The following RBMX2 variants were observed in gnomAD, a reference collection of about 807,000 sequenced individuals.
RBMX2 encodes the protein RNA binding motif protein X-linked 2, also known as RNA-binding motif protein, X-linked 2.
For synonymous variants in RBMX2, 77 were observed against 94.3 expected, an observed-to-expected ratio of 0.82 and a Z score of 1.07; for missense variants, 191 against 256.0, an observed-to-expected ratio of 0.75 and a Z score of 1.73.
chrX:130,412,211 C>T (rs2034516631), intron 5 of RBMX2, 150 bp from the exon 6 acceptor site: 1 of 748,756 alleles, frequency 1.3e-6, no homozygotes, highest in African/African-American at 2.2e-5. Context: ...CAGGCGTGAG[C>T]CACCGCACCC....
intron 1 of RBMX2, 31 bp from the exon 2 acceptor site, chrX:130,402,224 T>TTGCCCCCCCCCCC: frequency 8.5e-7 from 1 of 1,174,330 alleles, no homozygotes; most frequent in Non-Finnish European, 1.1e-6. Flanking sequence ...CTTTTCTGCC[T>TTGCCCCCCCCCCC]ACCCTCCCCA....
Position 130,402,330 on chromosome X carries a change from C to G in RBMX2, c.81C>G (p.Ser27=). 8.3e-7 allele frequency: 1 copy of G among 1,207,695 alleles called. No homozygotes were observed. The highest frequency in any genetic ancestry group is 3.0e-5 in the East Asian group (1 of 33,647). ...EVQLGVADKV[S]WHSEYKDSAW... ...AGCTTGGGGTGGCCGATAAGGTGTC[C>G]TGGCACTCCGAGTACAAGGACAGCG... Residue 27 remains serine, a synonymous_variant, in exon 2 of 6, where the codon TCC becomes TCG. Transcript: ENST00000305536.
At position 130,402,315 on chromosome X, in the gene RBMX2, G is replaced by A; in HGVS notation, c.66G>A (p.Val22=). 8.3e-7 allele frequency: 1 copy of A among 1,208,542 alleles called. No homozygotes were observed. Among genetic ancestry groups the A allele is most frequent in the East Asian group, 3.0e-5 (1 of 33,732 alleles). Residue 22 remains valine, a synonymous_variant, in exon 2 of 6, where the codon GTG becomes GTA. Coordinates refer to ENST00000305536, the MANE Select transcript of RBMX2 (RefSeq NM_016024.4). ...ELNEREVQLG[V]ADKVSWHSEY... ...ATGAACGAGAGGTCCAGCTTGGGGTGGCCGATAAGGTGTCCTGGCACTCCG... is the reference window on the plus strand; with the variant it reads ...ATGAACGAGAGGTCCAGCTTGGGGTAGCCGATAAGGTGTCCTGGCACTCCG...
intron 2 of RBMX2, among the ~76,000 whole-genome samples, chrX:130,403,547 A>G (rs756273845): frequency 1.8e-5 from 2 of 109,807 alleles, no homozygotes; most frequent in East Asian, 5.7e-4. Context: ...TTTTTTTTGT[A>G]TTTTTAGTAG....
In RBMX2 at chrX:130,412,214, C is replaced by T. The variant is rs771837225; in HGVS notation, c.482-147C>T. On this transcript the variant is annotated intron_variant, in intron 5 of 5. Coordinates refer to ENST00000305536, the MANE Select transcript of RBMX2 (RefSeq NM_016024.4). Reference sequence around the variant, plus strand: ...GTGCTGGGATTACAGGCGTGAGCCACCGCACCCGGCTGTGAATGTTTTTGA... The same window carrying T: ...GTGCTGGGATTACAGGCGTGAGCCATCGCACCCGGCTGTGAATGTTTTTGA... 2.0e-5 allele frequency: 16 copies of T among 785,076 alleles called. No individual in the cohort carries two copies. The African/African-American group carries it at 3.1e-4, about 15-fold the overall frequency. The allele number at this position is 785,076 out of a possible 1,213,427, so 64.7% of individuals were successfully genotyped here. A position where few individuals can be genotyped will look rare whatever the true frequency, so the allele number is the denominator to read the frequency against.
In RBMX2 at chrX:130,411,506, A is replaced by C. The variant is rs777453100; in HGVS notation, c.462A>C (p.Pro154=). 5.9e-6 allele frequency: 7 copies of C among 1,194,677 alleles called. No individual in the cohort carries two copies. The East Asian group carries it at 1.5e-4, about 26-fold the overall frequency. ...SLSESSEDEK[P]TKKHKKDKKE... ...CTGAGAGCTCTGAAGATGAAAAACC[A>C]ACAAAAAAGCACAAAAAAGGTAAAG... Residue 154 remains proline, a synonymous_variant, in exon 5 of 6, where the codon CCA becomes CCC. Coordinates refer to ENST00000305536, the MANE Select transcript of RBMX2 (RefSeq NM_016024.4).
Position 130,402,276 on chromosome X carries a change from G to A in RBMX2, c.27G>A (p.Leu9=). Residue 9 remains leucine (L), a synonymous_variant, in exon 2 of 6, where the codon CTG becomes CTA. Transcript: ENST00000305536. MNPLTKVK[L]INELNEREVQ... Reference sequence around the variant, plus strand: ...GAAGCCCTTTAACTAAGGTGAAGCTGATCAACGAGCTGAATGAACGAGAGG... The same window carrying A: ...GAAGCCCTTTAACTAAGGTGAAGCTAATCAACGAGCTGAATGAACGAGAGG... 8.3e-7 allele frequency: 1 copy of A among 1,198,760 alleles called. No homozygotes were observed.
intron 1 of RBMX2, 30 bp from the exon 2 acceptor site, chrX:130,402,225 A>AGCCACCCC: frequency 5.1e-6 from 5 of 984,770 alleles, no homozygotes; most frequent in Non-Finnish European, 7.0e-6. Flanking sequence ...TTTTCTGCCT[A>AGCCACCCC]CCCTCCCCAC....
chrX:130,402,491 C>A, intron 2 of RBMX2, 121 bp downstream of exon 2: 2 of 1,073,360 alleles, frequency 1.9e-6, no homozygotes, highest in Non-Finnish European at 2.5e-6. Context: ...TATCCATCTG[C>A]TGTCTGCCCG....
At chrX:130,403,953 C>A in intron 3 of RBMX2, 100 bp downstream of exon 3, 2 of 831,642 alleles carry the variant, frequency 2.4e-6, no homozygotes, top group Non-Finnish European at 3.6e-6. Flanking sequence ...TCACTCTAGG[C>A]TGAATGGCAT....
chrX:130,404,553 A>G (rs1384873841), intron 3 of RBMX2: 1 of 112,374 alleles, frequency 8.9e-6, no homozygotes, highest in East Asian at 2.8e-4. Flanking sequence ...GGTGCAGAGG[A>G]CCACTACGTT....
chrX:130,403,818 A>G lies in RBMX2; in HGVS notation c.138A>G (p.Glu46=). Residue 46 remains glutamate (E), a synonymous_variant, in exon 3 of 6, where the codon GAA becomes GAG. Coordinates refer to ENST00000305536, the MANE Select transcript of RBMX2 (RefSeq NM_016024.4). ...CTCTTCTAGGAGGGCTTCCTTATGA[A>G]CTGACTGAAGGGGACATCATCTGTG... The part of the protein sequence containing the change: ...AWIFLGGLPY[E]LTEGDIICVF... 1 of 1,210,934 alleles carries G rather than the reference A, an allele frequency of 8.3e-7. No individual in the cohort carries two copies. Among genetic ancestry groups the G allele is most frequent in the Non-Finnish European group, 1.1e-6 (1 of 894,525 alleles).
At chrX:130,405,592 G>T (rs1489891535) in intron 3 of RBMX2, among the ~76,000 whole-genome samples, 1 of 110,397 alleles carries the variant, frequency 9.1e-6, no homozygotes, top group Non-Finnish European at 1.9e-5. Flanking sequence ...GAATTATACT[G>T]CAATGTACAT....
intron 1 of RBMX2, 30 bp from the exon 2 acceptor site, chrX:130,402,225 A>ACCCACCC: frequency 1.7e-4 from 166 of 983,728 alleles, no homozygotes; most frequent in Non-Finnish European, 2.0e-4. Context: ...TTTTCTGCCT[A>ACCCACCC]CCCTCCCCAC....
chrX:130,408,239 C>T (rs1429282883), intron 3 of RBMX2, among the ~76,000 whole-genome samples: 1 of 111,613 alleles, frequency 9.0e-6, no homozygotes, highest in African/African-American at 3.3e-5. Flanking sequence ...CTCAAACAGC[C>T]CTCCCACCTT....
chrX:130,413,487 T>C lies in RBMX2; in HGVS notation c.*639T>C, dbSNP rs1476834264. On this transcript the variant is annotated 3_prime_UTR_variant, in exon 6 of 6. Coordinates refer to ENST00000305536, the MANE Select transcript of RBMX2 (RefSeq NM_016024.4). ...AACATCCACAGTGTTGTGTAACCAT[T>C]GCCTCTGTCTAGTTCCAAAACATTT... 1 of 110,948 alleles carries C rather than the reference T, an allele frequency of 9.0e-6. No individual in the cohort carries two copies. The highest frequency in any genetic ancestry group is 1.9e-5 in the Non-Finnish European group (1 of 53,036). The allele number at this position is 110,948 out of a possible 1,213,427, so 9.1% of individuals were successfully genotyped here.
Position 130,412,742 on chromosome X carries a change from G to C in RBMX2, c.863G>C (p.Ser288Thr), listed in dbSNP as rs761160697. The C allele has an allele frequency of 3.3e-6, 4 of 1,211,512 alleles. No homozygotes were observed. The highest frequency in any genetic ancestry group is 4.5e-6 in the Non-Finnish European group (4 of 895,417). Residue 288 changes from serine (S) to threonine (T), a missense_variant, in exon 6 of 6, where the codon AGT (serine) becomes ACT (threonine). Transcript: ENST00000305536. ...SWYNGRSEGR[S>T]YRSRSRSRDK... ...TATAATGGGCGTTCTGAAGGGCGTA[G>C]TTATAGAAGTAGAAGTAGGAGCCGA...
intron 5 of RBMX2, among the ~76,000 whole-genome samples, chrX:130,412,032 C>T (rs2124787682): frequency 9.0e-6 from 1 of 110,995 alleles, no homozygotes; most frequent in African/African-American, 3.3e-5. Flanking sequence ...ATGCCATTCT[C>T]CTGCCTCAGC....
chrX:130,406,439 C>T (rs1484573574), intron 3 of RBMX2, among the ~76,000 whole-genome samples: 4 of 109,189 alleles, frequency 3.7e-5, no homozygotes, highest in African/African-American at 9.9e-5. Context: ...ATTGGGAGGC[C>T]GAGGCAGGTG....
Sources: allele counts gnomAD v4.1 joint callset (sites outside exome capture counted in the v4.1 genomes callset), GRCh38; gene constraint gnomAD v4.1.1; transcripts MANE v1.5; gene names NCBI Gene and HGNC (gene_info 2026-07-23, HGNC 2026-07-21).